KCNIP4: variants seen among roughly 807,000 people sequenced by gnomAD.
KCNIP4 encodes the protein potassium voltage-gated channel interacting protein 4.
A neutral mutation model predicts 34.0 loss-of-function variants in KCNIP4; 12 were observed. The ratio of observed to expected loss-of-function variants is 0.35; its 90% CI spans 0.23 to 0.57. The LOEUF is 0.57. Among genes scored for constraint, KCNIP4 ranks in the 20% least tolerant of loss-of-function variants. The pLI is 0.83. For synonymous variants in KCNIP4, 124 were observed against 102.2 expected (o/e 1.21, Z -1.29); for missense variants, 238 against 311.7 (o/e 0.76, Z 1.78).
At chr4:21,391,727 G>A (rs1399611330) in intron 1 of KCNIP4, among the ~76,000 whole-genome samples, 1 of 152,156 alleles carries the variant, frequency 6.6e-6, no homozygotes, top group Non-Finnish European at 1.5e-5. Context: ...AAATTCTACT[G>A]ATTCTACGGG....
intron 1 of KCNIP4, among the ~76,000 whole-genome samples, chr4:21,196,293 C>T (rs1195610833): frequency 2.0e-5 from 3 of 152,094 alleles, no homozygotes; most frequent in African/African-American, 4.8e-5. Context: ...AAATTTGTCC[C>T]TCCTTAATTA....
Position 20,918,377 on chromosome 4 carries a change from T to C in KCNIP4, c.62-35668A>G, listed in dbSNP as rs536405680. On this transcript the variant is annotated intron_variant, in intron 1 of 8. Transcript: ENST00000382152. ...ACTTGATAATAATTGGTTTCTCTGATATTAAAAGAAGTCATGGGTACTAGA... is the reference window on the plus strand; with the variant it reads ...ACTTGATAATAATTGGTTTCTCTGACATTAAAAGAAGTCATGGGTACTAGA... 8.5e-5 allele frequency among the ~76,000 whole-genome samples: 13 copies of C among 152,318 alleles called. No homozygotes were observed. In the South Asian group the frequency reaches 2.7e-3, roughly 32 times the overall value.
chr4:21,110,112 C>G (rs1749024140), intron 1 of KCNIP4, among the ~76,000 whole-genome samples: 1 of 152,108 alleles, frequency 6.6e-6, no homozygotes, highest in Non-Finnish European at 1.5e-5. Flanking sequence ...CTAAAGTAAT[C>G]AGATTAGAAA....
intron 1 of KCNIP4, among the ~76,000 whole-genome samples, chr4:21,545,126 G>A (rs1418793891): frequency 2.0e-5 from 3 of 152,062 alleles, no homozygotes; most frequent in Non-Finnish European, 2.9e-5. Context: ...CTCATTATAC[G>A]CTAATTATAA....
At chr4:20,844,542 C>T (rs891689443) in intron 3 of KCNIP4, among the ~76,000 whole-genome samples, 18 of 152,166 alleles carry the variant, frequency 1.2e-4, no homozygotes, top group African/African-American at 1.7e-4. Flanking sequence ...TCTATGAAAG[C>T]GTTCAAGAAT....
chr4:21,874,139 T>C (rs1426648260), intron 1 of KCNIP4, among the ~76,000 whole-genome samples: 1 of 152,214 alleles, frequency 6.6e-6, no homozygotes, highest in Non-Finnish European at 1.5e-5. Flanking sequence ...TGGGTGGAAT[T>C]GTTAGACCAG....
intron 1 of KCNIP4, among the ~76,000 whole-genome samples, chr4:21,096,096 A>G (rs1452753452): frequency 6.6e-6 from 1 of 152,198 alleles, no homozygotes; most frequent in African/African-American, 2.4e-5. Context: ...GTACATAAAA[A>G]TGCCCAAGGG....
chr4:21,334,598 C>T (rs957883576), intron 1 of KCNIP4, among the ~76,000 whole-genome samples: 2 of 152,006 alleles, frequency 1.3e-5, no homozygotes, highest in African/African-American at 4.8e-5. Context: ...GGTTATATAA[C>T]CATCACCAAA....
intron 1 of KCNIP4, among the ~76,000 whole-genome samples, chr4:21,724,366 TTG>T: frequency 6.8e-6 from 1 of 147,640 alleles, no homozygotes; most frequent in East Asian, 1.9e-4. Flanking sequence ...CCCTAAAATA[TTG>T]TGGGAAAAAA....
At chr4:21,415,727 A>C (rs1724901266) in intron 1 of KCNIP4, among the ~76,000 whole-genome samples, 1 of 152,014 alleles carries the variant, frequency 6.6e-6, no homozygotes, top group South Asian at 2.1e-4. Flanking sequence ...CCAAATAAAC[A>C]AATAAAAAGG....
chr4:21,090,641 G>T (rs1294337033), intron 1 of KCNIP4, among the ~76,000 whole-genome samples: 1 of 152,060 alleles, frequency 6.6e-6, no homozygotes, highest in Non-Finnish European at 1.5e-5. Flanking sequence ...ATTATTTTAA[G>T]TCACAGATTG....
chr4:20,889,162 T>C (rs1167064361), intron 1 of KCNIP4, among the ~76,000 whole-genome samples: 1 of 152,148 alleles, frequency 6.6e-6, no homozygotes, highest in Non-Finnish European at 1.5e-5. Flanking sequence ...AGGATAATCA[T>C]ATTTGCTTCA....
intron 1 of KCNIP4, among the ~76,000 whole-genome samples, chr4:21,202,200 T>C (rs1208120450): frequency 6.6e-6 from 1 of 152,194 alleles, no homozygotes; most frequent in Non-Finnish European, 1.5e-5. Flanking sequence ...AATGTTGGAC[T>C]GGATAAAGAA....
chr4:20,963,446 TA>T (rs199593378), intron 1 of KCNIP4, among the ~76,000 whole-genome samples: 1 of 152,012 alleles, frequency 6.6e-6, no homozygotes, highest in African/African-American at 2.4e-5. Context: ...ACTTTTTTTT[TA>T]AAACTCAGGG....
chr4:21,208,328 C>A (rs1290302946), intron 1 of KCNIP4, among the ~76,000 whole-genome samples: 1 of 152,194 alleles, frequency 6.6e-6, no homozygotes, highest in Non-Finnish European at 1.5e-5. Flanking sequence ...GCCATAGGCA[C>A]AATGTCACTA....
intron 3 of KCNIP4, among the ~76,000 whole-genome samples, chr4:20,839,182 A>G (rs1719416557): frequency 6.6e-6 from 1 of 152,134 alleles, no homozygotes; most frequent in African/African-American, 2.4e-5. Flanking sequence ...ATGTGTGAAT[A>G]TATGTATAAT....
intron 1 of KCNIP4, among the ~76,000 whole-genome samples, chr4:21,897,943 T>C (rs747157884): frequency 1.3e-5 from 2 of 151,898 alleles, no homozygotes; most frequent in Non-Finnish European, 2.9e-5. Flanking sequence ...AGAGGGAGAA[T>C]CTGTGTGTTT....
At chr4:21,860,055 A>ATTCT (rs1359032088) in intron 1 of KCNIP4, among the ~76,000 whole-genome samples, 3 of 152,162 alleles carry the variant, frequency 2.0e-5, no homozygotes, top group African/African-American at 7.2e-5. Flanking sequence ...ACATCAACTG[A>ATTCT]TTCAAAAGGG....
chr4:21,711,926 G>A (rs1713759329), intron 1 of KCNIP4, among the ~76,000 whole-genome samples: 1 of 152,066 alleles, frequency 6.6e-6, no homozygotes, highest in Non-Finnish European at 1.5e-5. Context: ...AACTGAGGCT[G>A]GGAAGGGTTA....
Sources: gnomAD v4.1 joint callset for allele counts (sites outside exome capture counted in the v4.1 genomes callset) on GRCh38, gnomAD v4.1.1 for gene constraint, MANE v1.5 for transcripts, NCBI Gene and HGNC (gene_info 2026-07-23, HGNC 2026-07-21) for gene names.